CAMTA1: variants seen among roughly 807,000 people sequenced by gnomAD.
CAMTA1 encodes the protein calmodulin binding transcription activator 1, also known as calmodulin-binding transcription activator 1.
Under a neutral mutation model 170.9 loss-of-function variants are expected in CAMTA1, and 27 were observed. That is an observed-to-expected ratio of 0.16 (90% CI 0.12 to 0.22). The LOEUF (loss-of-function observed/expected upper bound fraction) is 0.22. Ranked by LOEUF, CAMTA1 falls within the 10% of genes least tolerant of loss-of-function variation. The probability of loss-of-function intolerance (pLI) is 1.00; values close to 1 mark genes in which losing one functional copy is unlikely to be tolerated. For synonymous variants in CAMTA1, 833 were observed against 891.5 expected (o/e 0.93, Z 1.17); for missense variants, 1,619 against 2,217.2 (o/e 0.73, Z 5.42).
intron 3 of CAMTA1, 90 bp downstream of exon 3, chr1:6,825,300 A>G: frequency 3.1e-6 from 2 of 644,266 alleles, no homozygotes; most frequent in Non-Finnish European, 5.5e-6. Context: ...GTTAGCTTTA[A>G]ATTTAAAATA....
chr1:7,695,372 T>C (rs1319235813), intron 11 of CAMTA1, among the ~76,000 whole-genome samples: 4 of 152,192 alleles, frequency 2.6e-5, no homozygotes, highest in African/African-American at 7.2e-5. Flanking sequence ...AAAGACATCA[T>C]TCCTCCCCGG....
At chr1:6,914,387 C>T (rs1362489751) in intron 3 of CAMTA1, among the ~76,000 whole-genome samples, 1 of 152,224 alleles carries the variant, frequency 6.6e-6, no homozygotes, top group Non-Finnish European at 1.5e-5. Context: ...CAGGCGTGAA[C>T]CACCACACCT....
At chr1:6,904,398 C>T (rs1443674925) in intron 3 of CAMTA1, among the ~76,000 whole-genome samples, 1 of 152,216 alleles carries the variant, frequency 6.6e-6, no homozygotes, top group Non-Finnish European at 1.5e-5. Flanking sequence ...TGAGATGGCT[C>T]TCCTGAGCTT....
At chr1:7,047,722 T>TCTC (rs1491246654) in intron 3 of CAMTA1, among the ~76,000 whole-genome samples, 10 of 115,434 alleles carry the variant, frequency 8.7e-5, no homozygotes, top group African/African-American at 5.1e-4. Context: ...TCTCTCTCTC[T>TCTC]TTTTTTTTTT....
rs368528655 is a variant in CAMTA1, at chr1:7,573,547, A to G, written c.511-66853A>G. Among the ~76,000 whole-genome samples the G allele has an allele frequency of 1.2e-4, 18 of 152,320 alleles. 2 individuals carry two copies. Among genetic ancestry groups the G allele is most frequent in the African/African-American group, 3.8e-4 (16 of 41,584 alleles). On this transcript the variant is annotated intron_variant, in intron 6 of 22. Transcript: ENST00000303635. ...GGAGTCCAGAGATGTCCAAAACCAC[A>G]GCGCCAGCAGGGCCAGTTCCTTCCA...
chr1:7,762,962 CAATA>C (rs1345605624), intron 22 of CAMTA1, among the ~76,000 whole-genome samples: 5 of 152,034 alleles, frequency 3.3e-5, no homozygotes, highest in Admixed American at 2.0e-4. Flanking sequence ...TTAGAAAAAA[CAATA>C]AAATATGATT....
chr1:7,013,541 C>A (rs1700122497), intron 3 of CAMTA1, among the ~76,000 whole-genome samples: 1 of 152,158 alleles, frequency 6.6e-6, no homozygotes, highest in African/African-American at 2.4e-5. Flanking sequence ...CTTTTCTCAA[C>A]CCGGAAGCCA....
At chr1:6,812,223 A>G (rs1403307666) in intron 1 of CAMTA1, among the ~76,000 whole-genome samples, 1 of 152,148 alleles carries the variant, frequency 6.6e-6, no homozygotes, top group Non-Finnish European at 1.5e-5. Flanking sequence ...TTTCTTGTGG[A>G]AATCACACAG....
chr1:6,977,197 G>A (rs185080830), intron 3 of CAMTA1, among the ~76,000 whole-genome samples: 142 of 152,302 alleles, frequency 9.3e-4, no homozygotes, highest in African/African-American at 3.2e-3. Flanking sequence ...GGAGGACATC[G>A]GAGAATAAGC....
At chr1:6,824,002 A>G (rs1046578430) in intron 2 of CAMTA1, among the ~76,000 whole-genome samples, 1 of 152,156 alleles carries the variant, frequency 6.6e-6, no homozygotes, top group Non-Finnish European at 1.5e-5. Context: ...AGGTCACACA[A>G]TTAGAAAGTA....
At chr1:7,294,838 C>T (rs577750125) in intron 5 of CAMTA1, among the ~76,000 whole-genome samples, 1 of 47,228 alleles carries the variant, frequency 2.1e-5, no homozygotes, top group Admixed American at 2.6e-4. Context: ...GACCCTTCAC[C>T]AAATGGCCTC....
intron 3 of CAMTA1, among the ~76,000 whole-genome samples, chr1:6,987,064 C>G (rs1695481820): frequency 6.6e-6 from 1 of 151,914 alleles, no homozygotes; most frequent in Non-Finnish European, 1.5e-5. Flanking sequence ...AACTCTTCAA[C>G]AAGATTGAAA....
intron 11 of CAMTA1, among the ~76,000 whole-genome samples, chr1:7,710,444 A>T (rs1417424017): frequency 6.6e-6 from 1 of 151,890 alleles, no homozygotes; most frequent in Non-Finnish European, 1.5e-5. Context: ...AAAAAAATTT[A>T]AAACAAATAG....
chr1:7,714,145 A>G (rs554634770), intron 11 of CAMTA1, among the ~76,000 whole-genome samples: 37 of 152,356 alleles, frequency 2.4e-4, no homozygotes, highest in African/African-American at 8.7e-4. Context: ...GAAGAAACTA[A>G]TGTGTTATTT....
chr1:6,881,443 G>A (rs1404177348), intron 3 of CAMTA1, among the ~76,000 whole-genome samples: 2 of 152,142 alleles, frequency 1.3e-5, no homozygotes, highest in African/African-American at 4.8e-5. Flanking sequence ...AACTGCAAAA[G>A]CAAAGGCGCT....
intron 4 of CAMTA1, among the ~76,000 whole-genome samples, chr1:7,143,343 A>G (rs761560752): frequency 2.6e-5 from 4 of 152,238 alleles, no homozygotes; most frequent in Non-Finnish European, 4.4e-5. Flanking sequence ...CTCAAGTATT[A>G]GTCACTGCAA....
intron 1 of CAMTA1, among the ~76,000 whole-genome samples, chr1:6,792,939 T>G (rs1641529320): frequency 6.6e-6 from 1 of 152,136 alleles, no homozygotes; most frequent in Admixed American, 6.6e-5. Context: ...GCTGTGTTCT[T>G]AATAGTTTTA....
chr1:7,240,153 A>G (rs781057176), intron 4 of CAMTA1, among the ~76,000 whole-genome samples: 1 of 152,206 alleles, frequency 6.6e-6, no homozygotes, highest in African/African-American at 2.4e-5. Context: ...GCCCAGATCC[A>G]TTAATTCATT....
chr1:7,318,119 C>G (rs564723347), intron 5 of CAMTA1, among the ~76,000 whole-genome samples: 1 of 152,190 alleles, frequency 6.6e-6, no homozygotes, highest in Non-Finnish European at 1.5e-5. Flanking sequence ...AGTGCAGAAG[C>G]AGGGAGGCCC....
Sources: allele counts gnomAD v4.1 joint callset (sites outside exome capture counted in the v4.1 genomes callset), GRCh38; gene constraint gnomAD v4.1.1; transcripts MANE v1.5; gene names NCBI Gene and HGNC (gene_info 2026-07-23, HGNC 2026-07-21).